Variants in KCNAB2 observed in about 807,000 individuals in gnomAD.
KCNAB2 encodes potassium voltage-gated channel subfamily A regulatory beta subunit 2, also known as voltage-gated potassium channel subunit beta-2.
A neutral mutation model predicts 63.6 loss-of-function variants in KCNAB2; 29 were observed. The observed-to-expected ratio is 0.46, with a 90% CI of 0.34 to 0.62. The LOEUF (loss-of-function observed/expected upper bound fraction) is 0.62. Among genes scored for constraint, KCNAB2 ranks in the 20% least tolerant of loss-of-function variants. The pLI is 0.01. For missense variants in KCNAB2, 359 were observed against 563.9 expected (o/e 0.64, Z 3.68); for synonymous variants, 222 against 224.2 (o/e 0.99, Z 0.09).
chr1:6,039,181 G>C (rs1410409367), intron 1 of KCNAB2, among the ~76,000 whole-genome samples: 3 of 152,192 alleles, frequency 2.0e-5, no homozygotes, highest in Non-Finnish European at 4.4e-5. Flanking sequence ...CAGTAGGAGA[G>C]GAGCCGCAAG....
chr1:6,016,756 G>C (rs922539044), intron 1 of KCNAB2, among the ~76,000 whole-genome samples: 1 of 152,198 alleles, frequency 6.6e-6, no homozygotes, highest in African/African-American at 2.4e-5. Context: ...GGACTTCTGC[G>C]TGGGCCCCAG....
rs1434475551 is a variant in KCNAB2, at chr1:6,099,952, T to C, written c.*1378T>C. ...AGGCCCAGGCCTGTGTCCCAAGCAG[T>C]ACCCAGGCTTTGCAGACCACGCGGG... On this transcript the variant is annotated 3_prime_UTR_variant, in exon 16 of 16. Transcript: ENST00000378083. The C allele has an allele frequency of 1.3e-6, 2 of 1,550,280 alleles. No homozygotes were observed. The highest frequency in any genetic ancestry group is 3.9e-5 in the Admixed American group (2 of 50,974).
At chr1:6,075,509 G>A (rs1286256325) in intron 4 of KCNAB2, among the ~76,000 whole-genome samples, 2 of 152,252 alleles carry the variant, frequency 1.3e-5, no homozygotes, top group African/African-American at 4.8e-5. Flanking sequence ...CTGAATGGTT[G>A]TGGCAGGTGA....
At chr1:6,031,689 C>T (rs967879755), upstream of KCNAB2, among the ~76,000 whole-genome samples, 2 of 150,724 alleles carry the variant, frequency 1.3e-5, no homozygotes, top group African/African-American at 4.9e-5. The surrounding 1 kb of genome is among the most constrained non-coding windows in gnomAD (Gnocchi z 4.1). Flanking sequence ...GAGTTTGAGA[C>T]CAGCCTGGGC....
At chr1:6,021,905 G>T (rs962911616) in intron 1 of KCNAB2, among the ~76,000 whole-genome samples, 5 of 151,792 alleles carry the variant, frequency 3.3e-5, no homozygotes, top group Non-Finnish European at 2.9e-5. Context: ...CAGTGGTATT[G>T]AGGGTAAAGT....
chr1:6,014,306 G>GA (rs1219370161), intron 1 of KCNAB2, among the ~76,000 whole-genome samples: 1 of 152,230 alleles, frequency 6.6e-6, no homozygotes, highest in Non-Finnish European at 1.5e-5. Flanking sequence ...GTGTCCGCAA[G>GA]AATGAGGCCC....
chr1:6,052,592 C>A (rs551078911), intron 2 of KCNAB2, among the ~76,000 whole-genome samples: 1 of 152,174 alleles, frequency 6.6e-6, no homozygotes, highest in African/African-American at 2.4e-5. Flanking sequence ...CTTTTTAGTG[C>A]GCTTGTCTTT....
intron 2 of KCNAB2, among the ~76,000 whole-genome samples, chr1:6,057,710 CT>C (rs1427491751): frequency 6.6e-6 from 1 of 152,162 alleles, no homozygotes; most frequent in African/African-American, 2.4e-5. Context: ...AGGGAGGGTC[CT>C]TTTTGCCTCC....
chr1:6,081,862 A>G (rs1664238417), intron 4 of KCNAB2, among the ~76,000 whole-genome samples: 1 of 152,226 alleles, frequency 6.6e-6, no homozygotes, highest in Non-Finnish European at 1.5e-5. Context: ...GTAGACATGA[A>G]TTCTGTGGGG....
rs1665917893 is a variant in KCNAB2 at position 6,099,902 on chromosome 1, T to C, written c.*1328T>C. Reference sequence around the variant, plus strand: ...CCGGAGGGCAAGGGATGCCAGTAAGTCTGCAGGTGCGGGGTGCCACCTACA... The same window carrying C: ...CCGGAGGGCAAGGGATGCCAGTAAGCCTGCAGGTGCGGGGTGCCACCTACA... On this transcript the variant is annotated 3_prime_UTR_variant, in exon 16 of 16. Transcript: ENST00000378083. 2 of 1,550,298 alleles carry C rather than the reference T, an allele frequency of 1.3e-6. No homozygotes were observed. Among genetic ancestry groups the C allele is most frequent in the East Asian group, 4.9e-5 (2 of 40,888 alleles).
In KCNAB2 at chr1:6,098,683, A is replaced by AGGTTCTAGGGCACCTTG; in HGVS notation, c.*109_*110insGGTTCTAGGGCACCTTG. 1 of 1,331,336 alleles carries AGGTTCTAGGGCACCTTG rather than the reference A, an allele frequency of 7.5e-7. No homozygotes were observed. 82.5% of individuals were successfully genotyped at this position (1,331,336 alleles called of 1,614,324 possible). ...AGAGTGTGGTTTGCATCCAAGAGAA[A>AGGTTCTAGGGCACCTTG]ACACCACACTGTGATGTCATCGGGA... On this transcript the variant is annotated 3_prime_UTR_variant, in exon 16 of 16. Coordinates refer to ENST00000378083, the MANE Select transcript of KCNAB2 (RefSeq NM_001199862.2).
Position 6,099,391 on chromosome 1 carries a change from C to A in KCNAB2, c.*817C>A, listed in dbSNP as rs374319760. On this transcript the variant is annotated 3_prime_UTR_variant, in exon 16 of 16. Coordinates refer to ENST00000378083, the MANE Select transcript of KCNAB2 (RefSeq NM_001199862.2). Reference sequence around the variant, plus strand: ...TGATGAGCCTCATGCCAGTGAGGCCCGGAGCGCTTGGGAGGGGTCCCAGTG... The same window carrying A: ...TGATGAGCCTCATGCCAGTGAGGCCAGGAGCGCTTGGGAGGGGTCCCAGTG... 2 of 174,282 alleles carry A rather than the reference C, an allele frequency of 1.1e-5. No homozygotes were observed. Among genetic ancestry groups the A allele is most frequent in the African/African-American group, 2.4e-5 (1 of 42,372 alleles). The allele number at this position is 174,282 out of a possible 1,614,324, so 10.8% of individuals were successfully genotyped here. A position where few individuals can be genotyped will look rare whatever the true frequency, so the allele number is the denominator to read the frequency against.
chr1:6,046,935 TAAC>T (rs1660973973), intron 1 of KCNAB2, among the ~76,000 whole-genome samples: 2 of 152,208 alleles, frequency 1.3e-5, no homozygotes, highest in Admixed American at 1.3e-4. Context: ...TTAATGAGGT[TAAC>T]ATCTTCCTTG....
Position 6,073,769 on chromosome 1 carries a change from A to AG in KCNAB2, c.300+1dup, listed in dbSNP as rs759363258. ...ACCTTCGGAGGCCAGATCACCGATG[A>AG]GGTAAGATGGGGCTCTCCCAGCACC... On this transcript the variant is annotated frameshift_variant and splice_region_variant, in exon 4 of 16. Coordinates refer to ENST00000378083, the MANE Select transcript of KCNAB2 (RefSeq NM_001199862.2). LOFTEE classifies it high-confidence loss of function. The surrounding 1 kb of genome is among the most constrained non-coding windows in gnomAD (Gnocchi z 5.7). 6.2e-7 allele frequency: 1 copy of AG among 1,614,078 alleles called. No individual in the cohort carries two copies. The highest frequency in any genetic ancestry group is 8.5e-7 in the Non-Finnish European group (1 of 1,179,948).
At chr1:6,084,639 A>AATT (rs2100729150) in intron 5 of KCNAB2, among the ~76,000 whole-genome samples, 1 of 152,154 alleles carries the variant, frequency 6.6e-6, no homozygotes, top group South Asian at 2.1e-4. Flanking sequence ...AACATAGTGA[A>AATT]ACCCCGTCTC....
chr1:6,046,548 T>G (rs1162133067), intron 1 of KCNAB2, among the ~76,000 whole-genome samples: 3 of 152,236 alleles, frequency 2.0e-5, no homozygotes, highest in African/African-American at 7.2e-5. Flanking sequence ...TTTTCCAGTT[T>G]TGCCCAGAGC....
At chr1:6,047,255 C>T (rs1661004347) in intron 1 of KCNAB2, among the ~76,000 whole-genome samples, 2 of 152,182 alleles carry the variant, frequency 1.3e-5, no homozygotes, top group Admixed American at 1.3e-4. Context: ...AGTGGGGCCA[C>T]TCTCTCCTCC....
intron 2 of KCNAB2, among the ~76,000 whole-genome samples, chr1:6,055,302 G>A (rs867383848): frequency 6.6e-6 from 1 of 151,642 alleles, no homozygotes; most frequent in Non-Finnish European, 1.5e-5. Flanking sequence ...GGGCTGAAAC[G>A]CCCTTGGGGA....
At chr1:6,081,506 C>CGTT (rs1664207794) in intron 4 of KCNAB2, among the ~76,000 whole-genome samples, 1 of 152,224 alleles carries the variant, frequency 6.6e-6, no homozygotes, top group Admixed American at 6.5e-5. Context: ...AACAAAGTAA[C>CGTT]ATAACCTGGG....
Sources: gnomAD v4.1 joint callset for allele counts (sites outside exome capture counted in the v4.1 genomes callset) on GRCh38, gnomAD v4.1.1 for gene constraint, Gnocchi (gnomAD v3.1) non-coding constraint, MANE v1.5 for transcripts, NCBI Gene and HGNC (gene_info 2026-07-23, HGNC 2026-07-21) for gene names.